TKFC: variants seen among roughly 807,000 people sequenced by gnomAD.
The protein encoded by TKFC is triokinase/FMN cyclase.
Under a neutral mutation model 61.0 loss-of-function variants are expected in TKFC, and 46 were observed. The ratio of observed to expected loss-of-function variants is 0.75; its 90% confidence interval spans 0.60 to 0.96. The LOEUF is 0.96. TKFC is among the 50% of genes least tolerant of loss of function. TKFC has a pLI of 0.00. For missense variants in TKFC, 715 were observed against 777.5 expected (o/e 0.92, Z 0.96); for synonymous variants, 314 against 330.1 (o/e 0.95, Z 0.53).
At chr11:61,350,512 G>A (rs968950332), downstream of TKFC, 1 of 1,527,680 alleles carries the variant, frequency 6.5e-7, no homozygotes, top group Non-Finnish European at 8.9e-7. Context: ...CCAGCCTGCA[G>A]GGTGGTCCCC....
At chr11:61,350,290 G>C (rs79792967), downstream of TKFC, 1,030 of 1,412,226 alleles carry the variant, frequency 7.3e-4, 9 homozygotes, top group African/African-American at 0.013. Context: ...GCCCAGCATT[G>C]GAAGAAAGTC....
chr11:61,340,949 T>G (rs961188995), intron 5 of TKFC, among the ~76,000 whole-genome samples: 5 of 152,260 alleles, frequency 3.3e-5, no homozygotes, highest in Non-Finnish European at 5.9e-5. Flanking sequence ...TATGGGTATC[T>G]GCTTCCCTAG....
chr11:61,337,658 C>T (rs1009019608), intron 2 of TKFC, among the ~76,000 whole-genome samples: 1 of 152,208 alleles, frequency 6.6e-6, no homozygotes, highest in African/African-American at 2.4e-5. Context: ...ACACTGCAGG[C>T]AACCACTCCC....
chr11:61,333,552 C>T (rs1341094202), intron 1 of TKFC: 1 of 152,456 alleles, frequency 6.6e-6, no homozygotes, highest in African/African-American at 2.4e-5. Context: ...GTCTCAGTTC[C>T]TCCAGATCCA....
intron 2 of TKFC, 25 bp from the exon 3 acceptor site, chr11:61,337,916 C>T (rs1417970757): frequency 3.8e-6 from 6 of 1,582,242 alleles, no homozygotes; most frequent in Middle Eastern, 1.7e-4. Flanking sequence ...CACATTCTGA[C>T]CTCCTTCTCA....
intron 2 of TKFC, 127 bp from the exon 3 acceptor site, chr11:61,337,814 A>T (rs1275894210): frequency 2.4e-6 from 2 of 819,920 alleles, no homozygotes; most frequent in Non-Finnish European, 3.7e-6. Flanking sequence ...AACTCAAGGA[A>T]GTCCTGTGCT....
Position 61,344,483 on chromosome 11 carries a change from C to T in TKFC, c.1240+210C>T, listed in dbSNP as rs147105980. Reference sequence around the variant, plus strand: ...GGTTCAAGTGATTTTCCTGCCTCAGCCTCCTGACTAGCTGAGATAACAGGC... The same window carrying T: ...GGTTCAAGTGATTTTCCTGCCTCAGTCTCCTGACTAGCTGAGATAACAGGC... On this transcript the variant is annotated intron_variant, in intron 13 of 17. Coordinates refer to ENST00000394900, the MANE Select transcript of TKFC (RefSeq NM_015533.4). 7.8e-4 allele frequency among the ~76,000 whole-genome samples: 118 copies of T among 151,926 alleles called. No homozygotes were observed. The South Asian group carries it at 0.021, about 27-fold the overall frequency.
chr11:61,334,875 C>G, intron 2 of TKFC, 144 bp downstream of exon 2: 1 of 1,276,566 alleles, frequency 7.8e-7, no homozygotes, highest in Non-Finnish European at 1.1e-6. Flanking sequence ...GGGTCATCCT[C>G]TCTCCCAGGG....
intron 1 of TKFC, 98 bp from the exon 2 acceptor site, chr11:61,334,522 T>A: frequency 1.7e-6 from 1 of 600,796 alleles, no homozygotes; most frequent in Non-Finnish European, 3.0e-6. Flanking sequence ...TGGACCGAAG[T>A]CTGGGGCAGC....
rs992463501 is a variant in TKFC at position 61,342,511 on chromosome 11, G to A, written c.690+16G>A. The A allele has an allele frequency of 2.5e-6, 4 of 1,614,022 alleles. No homozygotes were observed. Among genetic ancestry groups the A allele is most frequent in the African/African-American group, 1.3e-5 (1 of 74,940 alleles). Reference sequence around the variant, plus strand: ...CCGGATAAAGGTAGGTGGTCCCTCTGGCACAGGCCGCCCTAAGGCCAAGGC... The same window carrying A: ...CCGGATAAAGGTAGGTGGTCCCTCTAGCACAGGCCGCCCTAAGGCCAAGGC... On this transcript the variant is annotated intron_variant, in intron 8 of 17. Coordinates refer to ENST00000394900, the MANE Select transcript of TKFC (RefSeq NM_015533.4).
At chr11:61,343,182 T>A in intron 10 of TKFC, 160 bp from the exon 11 acceptor site, 1 of 679,164 alleles carries the variant, frequency 1.5e-6, no homozygotes, top group East Asian at 2.6e-5. Context: ...CCAGGGAACG[T>A]GGTCATTTGT....
intron 2 of TKFC, among the ~76,000 whole-genome samples, chr11:61,337,598 T>C (rs1856664516): frequency 1.3e-5 from 2 of 152,218 alleles, no homozygotes; most frequent in Admixed American, 6.5e-5. Context: ...GAGGCTTTTC[T>C]TCCTTTTGAC....
In TKFC at chr11:61,338,069, C is replaced by T. The variant is rs1856688073; in HGVS notation, c.132C>T (p.Ser44=). 1 of 1,611,474 alleles carries T rather than the reference C, an allele frequency of 6.2e-7. No individual in the cohort carries two copies. Among genetic ancestry groups the T allele is most frequent in the Non-Finnish European group, 8.5e-7 (1 of 1,179,586 alleles). ...TGGCCCTCCGTTCTGACCTGGACAG[C>T]CTCAAGGGCCGGGTGGCACTGCTGT... ...HRVALRSDLD[S]LKGRVALLSG... is the part of the protein sequence containing the mutation. Residue 44 remains serine (S), a synonymous_variant, in exon 3 of 18, where the codon AGC becomes AGT. Coordinates refer to ENST00000394900, the MANE Select transcript of TKFC (RefSeq NM_015533.4).
chr11:61,343,500 G>A, intron 11 of TKFC, 42 bp downstream of exon 11: 1 of 1,557,664 alleles, frequency 6.4e-7, no homozygotes, highest in Non-Finnish European at 8.9e-7. Flanking sequence ...AGGGCTCCTT[G>A]TAACTGGAAG....
chr11:61,337,714 T>C (rs1226785883), intron 2 of TKFC, among the ~76,000 whole-genome samples: 1 of 152,198 alleles, frequency 6.6e-6, no homozygotes. Context: ...AAATTGAAGG[T>C]ATGGTGCAAG....
In TKFC at chr11:61,339,058, A is replaced by G; in HGVS notation, c.194-8A>G. ...CCAGCATGCTCACTCCACTCCTTCC[A>G]CCTCCAGGTTTCATAGGGAAGGGGA... On this transcript the variant is annotated splice_polypyrimidine_tract_variant and splice_region_variant and intron_variant, in intron 3 of 17. Transcript: ENST00000394900. 6.2e-7 allele frequency: 1 copy of G among 1,610,844 alleles called. No individual in the cohort carries two copies. The highest frequency in any genetic ancestry group is 2.2e-5 in the East Asian group (1 of 44,818).
rs1857284323 is a variant in TKFC at position 61,349,227 on chromosome 11, C to T, written c.*2724C>T. On this transcript the variant is annotated 3_prime_UTR_variant, in exon 18 of 18. Coordinates refer to ENST00000394900, the MANE Select transcript of TKFC (RefSeq NM_015533.4). The stretch of plus-strand genomic sequence containing the variant: ...AGAAGAGCAACAGCTCAAGCTCTAG[C>T]ATGGCACAGAACGCTAGGTTGGGCC... 1 of 325,914 alleles carries T rather than the reference C, an allele frequency of 3.1e-6. No individual in the cohort carries two copies. Among genetic ancestry groups the T allele is most frequent in the African/African-American group, 2.1e-5 (1 of 47,876 alleles). The allele number at this position is 325,914 out of a possible 1,614,324, so 20.2% of individuals were successfully genotyped here. A position where few individuals can be genotyped will look rare whatever the true frequency, so the allele number is the denominator to read the frequency against.
chr11:61,351,200 G>A, downstream of TKFC: 1 of 1,537,806 alleles, frequency 6.5e-7, no homozygotes, highest in Non-Finnish European at 8.8e-7. Flanking sequence ...ACCTATTTTT[G>A]TCTAGTGGGA....
intron 1 of TKFC, chr11:61,334,310 C>G (rs1256146629): frequency 5.8e-6 from 1 of 172,016 alleles, no homozygotes; most frequent in Non-Finnish European, 1.3e-5. Flanking sequence ...TTAACTTTTT[C>G]GCTGCATGTG....
Sources: gnomAD v4.1 joint callset for allele counts (sites outside exome capture counted in the v4.1 genomes callset) on GRCh38, gnomAD v4.1.1 for gene constraint, MANE v1.5 for transcripts, NCBI Gene and HGNC (gene_info 2026-07-23, HGNC 2026-07-21) for gene names.